The following SND1 variants were observed in gnomAD, a reference collection of about 807,000 sequenced individuals.
SND1 encodes staphylococcal nuclease domain-containing protein 1.
In SND1, 38 loss-of-function variants were observed where a neutral mutation model predicts 121.7. The observed-to-expected ratio is 0.31, with a 90% CI of 0.24 to 0.41. SND1 has a LOEUF of 0.41. SND1 is among the 10% of genes least tolerant of loss of function. The pLI, the probability that SND1 is intolerant of heterozygous loss-of-function variation, is 1.00. For missense variants in SND1, 868 were observed against 1,184.6 expected, an observed-to-expected ratio of 0.73 and a Z score of 3.92; for synonymous variants, 401 against 447.4, an observed-to-expected ratio of 0.90 and a Z score of 1.31.
intron 15 of SND1, among the ~76,000 whole-genome samples, chr7:127,986,926 GT>G (rs1374907016): frequency 6.6e-6 from 1 of 152,214 alleles, no homozygotes; most frequent in Admixed American, 6.5e-5. Context: ...CTTCTTTTGT[GT>G]TTATTAAAAC....
intron 13 of SND1, among the ~76,000 whole-genome samples, chr7:127,901,981 C>T (rs952558077): frequency 2.6e-5 from 4 of 152,166 alleles, no homozygotes; most frequent in Non-Finnish European, 4.4e-5. Context: ...CTATTATCCA[C>T]GTCTTCCAGT....
Position 127,909,500 on chromosome 7 carries a change from G to A in SND1, c.1527+4681G>A, listed in dbSNP as rs1419966. Among the ~76,000 whole-genome samples, 11 of 150,630 alleles carry A rather than the reference G, an allele frequency of 7.3e-5. No individual in the cohort carries two copies. The South Asian group carries it at 1.3e-3, about 17-fold the overall frequency. ...GGAGTCTCACTTTATCACCAAGGCTGGACTGAAAGTACAGTGGCACAGTCA... is the reference window on the plus strand; with the variant it reads ...GGAGTCTCACTTTATCACCAAGGCTAGACTGAAAGTACAGTGGCACAGTCA... On this transcript the variant is annotated intron_variant, in intron 14 of 23. Transcript: ENST00000354725.
intron 20 of SND1, 44 bp from the exon 21 acceptor site, chr7:128,086,894 G>C (rs1407866757): frequency 6.8e-7 from 1 of 1,471,388 alleles, no homozygotes; most frequent in East Asian, 2.3e-5. Flanking sequence ...GAGAGCAAGG[G>C]GGCAGCGAGT....
chr7:128,053,762 G>C (rs895896528), intron 16 of SND1, among the ~76,000 whole-genome samples: 1 of 152,148 alleles, frequency 6.6e-6, no homozygotes, highest in South Asian at 2.1e-4. Flanking sequence ...TCCTCAAAGG[G>C]CCTTTCAGAC....
intron 8 of SND1, among the ~76,000 whole-genome samples, chr7:127,705,694 A>G (rs1796179504): frequency 6.6e-6 from 1 of 152,128 alleles, no homozygotes; most frequent in Non-Finnish European, 1.5e-5. Context: ...GGTAGCAACA[A>G]TAGATGAATG....
intron 15 of SND1, among the ~76,000 whole-genome samples, chr7:127,990,007 T>C (rs1394378465): frequency 6.6e-6 from 1 of 152,118 alleles, no homozygotes; most frequent in Non-Finnish European, 1.5e-5. Context: ...AAAAAGAGTA[T>C]GAAGGATAGG....
Position 127,705,055 on chromosome 7 carries a change from A to C in SND1, c.947+110A>C, listed in dbSNP as rs566721125. The C allele has an allele frequency of 5.0e-5, 43 of 860,628 alleles. 1 individual carries two copies. The South Asian group carries it at 5.9e-4, about 12-fold the overall frequency. The allele number at this position is 860,628 out of a possible 1,614,324, so 53.3% of individuals were successfully genotyped here. A position where few individuals can be genotyped will look rare whatever the true frequency, so the allele number is the denominator to read the frequency against. On this transcript the variant is annotated intron_variant, in intron 8 of 23. Transcript: ENST00000354725. ...TGTGTGTCAGTGTTCATTTTACTTC[A>C]GTAAAGGAGTAGGGCAGTTCCTTAT...
chr7:127,918,946 A>C (rs554129983), intron 14 of SND1, among the ~76,000 whole-genome samples: 1 of 152,316 alleles, frequency 6.6e-6, no homozygotes, highest in South Asian at 2.1e-4. Context: ...TTCTGTTTTA[A>C]TTAGTAATAA....
chr7:127,738,354 G>A (rs1299760784), intron 10 of SND1, among the ~76,000 whole-genome samples: 13 of 145,702 alleles, frequency 8.9e-5, no homozygotes, highest in Admixed American at 4.3e-4. Context: ...GCGCGATCTC[G>A]GCTCACTGCA....
At chr7:127,904,165 T>C (rs1179183950) in intron 13 of SND1, among the ~76,000 whole-genome samples, 1 of 152,204 alleles carries the variant, frequency 6.6e-6, no homozygotes, top group Non-Finnish European at 1.5e-5. Context: ...GAGTTCCCTG[T>C]TAAATCCCCT....
chr7:127,715,838 A>G (rs1796378864), intron 9 of SND1, among the ~76,000 whole-genome samples: 1 of 152,058 alleles, frequency 6.6e-6, no homozygotes, highest in Non-Finnish European at 1.5e-5. Flanking sequence ...AGAGTTTTGT[A>G]GTTTTATAGG....
At chr7:127,856,669 A>G (rs552997260) in intron 12 of SND1, among the ~76,000 whole-genome samples, 2 of 152,316 alleles carry the variant, frequency 1.3e-5, no homozygotes, top group South Asian at 4.1e-4. Context: ...CTGCTTACAT[A>G]TAAACTGGGA....
At chr7:127,743,357 T>C (rs970055759) in intron 10 of SND1, among the ~76,000 whole-genome samples, 1 of 152,228 alleles carries the variant, frequency 6.6e-6, no homozygotes, top group Non-Finnish European at 1.5e-5. Context: ...CCTAGACATT[T>C]TGTGAAGGCT....
chr7:127,687,500 A>G (rs981355018), intron 2 of SND1, among the ~76,000 whole-genome samples: 2 of 151,884 alleles, frequency 1.3e-5, no homozygotes, highest in Admixed American at 1.3e-4. Context: ...CCCAGTGTCT[A>G]TTATTTCTAT....
intron 12 of SND1, among the ~76,000 whole-genome samples, chr7:127,868,808 C>T (rs561429714): frequency 6.6e-6 from 1 of 152,294 alleles, no homozygotes; most frequent in African/African-American, 2.4e-5. Context: ...TCTTAGGCCA[C>T]ATGAACATTA....
At chr7:127,998,228 AG>A (rs757044287) in intron 16 of SND1, 9 of 317,404 alleles carry the variant, frequency 2.8e-5, no homozygotes, top group Admixed American at 8.2e-5. Flanking sequence ...GGCATTTGTC[AG>A]GGTGGGAGGA....
chr7:127,913,358 G>C (rs1584662044), intron 14 of SND1, among the ~76,000 whole-genome samples: 1 of 152,204 alleles, frequency 6.6e-6, no homozygotes, highest in Non-Finnish European at 1.5e-5. Flanking sequence ...TTTGCAACAG[G>C]GTCCTAGCTT....
chr7:128,078,846 A>G (rs1793551130), intron 17 of SND1, among the ~76,000 whole-genome samples: 1 of 152,230 alleles, frequency 6.6e-6, no homozygotes, highest in Non-Finnish European at 1.5e-5. Flanking sequence ...CCACTCAGGA[A>G]CCAGCACAGA....
At chr7:127,909,124 G>A (rs1800404483) in intron 14 of SND1, among the ~76,000 whole-genome samples, 1 of 152,168 alleles carries the variant, frequency 6.6e-6, no homozygotes, top group African/African-American at 2.4e-5. Flanking sequence ...TGTCCTCTGT[G>A]CATGAGGAGT....
Sources: allele counts gnomAD v4.1 joint callset (sites outside exome capture counted in the v4.1 genomes callset), GRCh38; gene constraint gnomAD v4.1.1; transcripts MANE v1.5; gene names NCBI Gene and HGNC (gene_info 2026-07-23, HGNC 2026-07-21).